The following SNX29 variants were observed in gnomAD, a reference collection of about 807,000 sequenced individuals.
The protein encoded by SNX29 is sorting nexin 29.
SNX29 carries 78 observed loss-of-function variants against 102.1 expected under a neutral mutation model. The ratio of observed to expected loss-of-function variants is 0.76; its 90% CI spans 0.64 to 0.92. SNX29 has a LOEUF of 0.92. Among genes scored for constraint, SNX29 ranks in the 40% least tolerant of loss-of-function variants. SNX29 has a pLI of 0.00. For synonymous variants in SNX29, 580 were observed against 414.5 expected (o/e 1.40, Z -4.85); for missense variants, 1,280 against 1,061.7 (o/e 1.21, Z -2.86).
intron 15 of SNX29, among the ~76,000 whole-genome samples, chr16:12,298,685 G>T (rs1175894150): frequency 6.6e-6 from 1 of 152,082 alleles, no homozygotes; most frequent in Non-Finnish European, 1.5e-5. Flanking sequence ...TCTAGAATAG[G>T]CCAGGCATCC....
At chr16:12,269,963 C>T (rs755287018) in intron 14 of SNX29, among the ~76,000 whole-genome samples, 7 of 151,954 alleles carry the variant, frequency 4.6e-5, no homozygotes, top group African/African-American at 7.3e-5. Flanking sequence ...CAGGTTCAAG[C>T]GATTCTCCTG....
chr16:12,500,204 C>T (rs1426041665), intron 19 of SNX29, among the ~76,000 whole-genome samples: 1 of 152,152 alleles, frequency 6.6e-6, no homozygotes, highest in African/African-American at 2.4e-5. Context: ...GGCTGTGTTG[C>T]ACAGGCTGGT....
chr16:12,569,430 T>TC lies in SNX29; in HGVS notation c.*803dup, dbSNP rs1426369283. 6.9e-5 allele frequency: 16 copies of TC among 230,644 alleles called. No individual in the cohort carries two copies. The highest frequency in any genetic ancestry group is 4.0e-4 in the Admixed American group (7 of 17,646). The allele number at this position is 230,644 out of a possible 1,614,324, so 14.3% of individuals were successfully genotyped here. ...TAGTAACCCGGCGTCATCCAGCGTG[T>TC]CCAAAGTAGCATTGGCCCTACAGTC... On this transcript the variant is annotated 3_prime_UTR_variant, in exon 21 of 21. Coordinates refer to ENST00000566228, the MANE Select transcript of SNX29 (RefSeq NM_032167.5).
rs779782609 is a variant in SNX29 at position 12,568,311 on chromosome 16, A to AAAAAAAAAAG, written c.2319-189_2319-188insAAAGAAAAAA. 9.1e-4 allele frequency among the ~76,000 whole-genome samples: 138 copies of AAAAAAAAAAG among 151,582 alleles called. 1 individual carries two copies. The highest frequency in any genetic ancestry group is 3.4e-3 in the Middle Eastern group (1 of 294). The stretch of plus-strand genomic sequence containing the variant: ...GGAGCCTCGGAGTGCTGTTAAAAAA[A>AAAAAAAAAAG]AAAAAATGGAAAGGTTTACGTGACA... On this transcript the variant is annotated intron_variant, in intron 20 of 20. Coordinates refer to ENST00000566228, the MANE Select transcript of SNX29 (RefSeq NM_032167.5).
chr16:11,979,299 A>AAAAAAC (rs2055366641), intron 1 of SNX29, among the ~76,000 whole-genome samples: 3 of 148,962 alleles, frequency 2.0e-5, no homozygotes, highest in Non-Finnish European at 3.0e-5. Flanking sequence ...AAAAAAAAAA[A>AAAAAAC]TCGTTACATC....
chr16:12,118,989 A>C (rs2053861109), intron 11 of SNX29, among the ~76,000 whole-genome samples: 1 of 152,198 alleles, frequency 6.6e-6, no homozygotes, highest in Non-Finnish European at 1.5e-5. Flanking sequence ...TTACCTTGAC[A>C]TTTCCAAGCT....
At chr16:12,097,062 G>T (rs1346611728) in intron 11 of SNX29, among the ~76,000 whole-genome samples, 2 of 152,198 alleles carry the variant, frequency 1.3e-5, no homozygotes, top group Non-Finnish European at 2.9e-5. Context: ...TGCACCTCTG[G>T]TTCCGTCACT....
At chr16:12,018,872 G>A (rs939787294) in intron 3 of SNX29, among the ~76,000 whole-genome samples, 5 of 151,858 alleles carry the variant, frequency 3.3e-5, no homozygotes, top group African/African-American at 1.2e-4. Flanking sequence ...ACAGGTGTGA[G>A]CCACTGAGCC....
chr16:12,143,539 C>T (rs1339526647), intron 13 of SNX29, among the ~76,000 whole-genome samples: 1 of 152,264 alleles, frequency 6.6e-6, no homozygotes, highest in Admixed American at 6.5e-5. Context: ...GCCATTTTAC[C>T]TCTCAGGCTC....
In SNX29 at chr16:12,260,767, G is replaced by A. The variant is rs185787622; in HGVS notation, c.1679-17166G>A. On this transcript the variant is annotated intron_variant, in intron 14 of 20. Transcript: ENST00000566228. The stretch of plus-strand genomic sequence containing the variant: ...ACGCCCCCAGCTGGAGTGAGTGTTC[G>A]CTGAGCTCCAGTCTGTGCATGCGCC... Among the ~76,000 whole-genome samples, 24 of 151,450 alleles carry A rather than the reference G, an allele frequency of 1.6e-4. 2 individuals are homozygous for A. In the East Asian group the frequency reaches 4.1e-3, roughly 26 times the overall value.
At chr16:12,518,331 C>T (rs2089954912) in intron 19 of SNX29, among the ~76,000 whole-genome samples, 1 of 152,174 alleles carries the variant, frequency 6.6e-6, no homozygotes, top group African/African-American at 2.4e-5. Context: ...CAGTCTTACA[C>T]CTCTGGAGCC....
intron 14 of SNX29, among the ~76,000 whole-genome samples, chr16:12,220,581 T>A (rs571715629): frequency 2.1e-4 from 32 of 152,344 alleles, no homozygotes; most frequent in African/African-American, 7.2e-4. Context: ...CTGCTCGTGC[T>A]GATCTCCCCT....
chr16:12,155,501 C>T (rs2055507185), intron 13 of SNX29, among the ~76,000 whole-genome samples: 1 of 152,096 alleles, frequency 6.6e-6, no homozygotes, highest in South Asian at 2.1e-4. Flanking sequence ...CTTTCCATTG[C>T]CTCAGTTACA....
intron 3 of SNX29, among the ~76,000 whole-genome samples, chr16:12,012,908 A>G (rs75560353): frequency 1.9e-3 from 288 of 152,082 alleles, no homozygotes; most frequent in African/African-American, 6.5e-3. Context: ...CTGTGTACCT[A>G]CAGCGTAGTA....
intron 20 of SNX29, among the ~76,000 whole-genome samples, chr16:12,541,932 C>T (rs1334907432): frequency 1.3e-5 from 2 of 152,166 alleles, no homozygotes; most frequent in Non-Finnish European, 2.9e-5. Flanking sequence ...CACGGTACAT[C>T]CTGGGCCCAC....
intron 15 of SNX29, among the ~76,000 whole-genome samples, chr16:12,345,830 T>C (rs1308371589): frequency 6.6e-6 from 1 of 152,216 alleles, no homozygotes; most frequent in Admixed American, 6.5e-5. Context: ...CTCCCACCAG[T>C]TGCTTTTATG....
intron 15 of SNX29, among the ~76,000 whole-genome samples, chr16:12,329,120 A>G (rs1208001913): frequency 2.0e-5 from 3 of 151,610 alleles, no homozygotes; most frequent in Non-Finnish European, 4.4e-5. Context: ...AAAAATAGAA[A>G]ACAAAATTGA....
intron 18 of SNX29, among the ~76,000 whole-genome samples, chr16:12,415,255 G>A (rs1039400912): frequency 7.2e-5 from 11 of 152,246 alleles, no homozygotes; most frequent in African/African-American, 1.2e-4. Context: ...CTGTACAAGC[G>A]CCACACTGTC....
At chr16:12,539,170 G>A (rs557085420) in intron 20 of SNX29, among the ~76,000 whole-genome samples, 1 of 152,154 alleles carries the variant, frequency 6.6e-6, no homozygotes. Flanking sequence ...GTTCATGTCT[G>A]TGAATTTAAA....
Sources: allele counts gnomAD v4.1 joint callset (sites outside exome capture counted in the v4.1 genomes callset), GRCh38; gene constraint gnomAD v4.1.1; transcripts MANE v1.5; gene names NCBI Gene and HGNC (gene_info 2026-07-23, HGNC 2026-07-21).